Variants in ADAMTSL1 observed in about 807,000 individuals in gnomAD.
ADAMTSL1 encodes the protein ADAMTS-like protein 1.
In ADAMTSL1, 126 loss-of-function variants were observed where a neutral mutation model predicts 201.8. The ratio of observed to expected loss-of-function variants is 0.62; its 90% confidence interval spans 0.54 to 0.72. The LOEUF is 0.72. Ranked by LOEUF, ADAMTSL1 falls within the 30% of genes least tolerant of loss-of-function variation. The pLI is 0.00. For missense variants in ADAMTSL1, 2,679 were observed against 2,277.8 expected (o/e 1.18, Z -3.59); for synonymous variants, 1,121 against 903.4 (o/e 1.24, Z -4.32).
Position 18,770,605 on chromosome 9 carries a change from T to C in ADAMTSL1, c.2221T>C (p.Ser741Pro), listed in dbSNP as rs773587940. The C allele has an allele frequency of 1.2e-6, 2 of 1,611,704 alleles. No individual in the cohort carries two copies. Among genetic ancestry groups the C allele is most frequent in the Non-Finnish European group, 1.7e-6 (2 of 1,178,910 alleles). Residue 741 changes from serine to proline, a missense_variant, in exon 17 of 29, where the codon TCC becomes CCC. By Grantham distance (74) the Ser-to-Pro change is moderately conservative. Transcript: ENST00000380548. ...AWYPAQWQPC[S>P]RTCGGGVQKR... The stretch of plus-strand genomic sequence containing the variant: ...CTTTCCTTCTTTCTTTCCCCAGTGT[T>C]CCAGAACGTGTGGCGGGGGTGTTCA...
At chr9:18,467,435 A>T (rs1239627906) in intron 2 of ADAMTSL1, among the ~76,000 whole-genome samples, 1 of 152,226 alleles carries the variant, frequency 6.6e-6, no homozygotes, top group Non-Finnish European at 1.5e-5. Flanking sequence ...TCTATACAAT[A>T]AAAAACTAGT....
chr9:18,868,184 T>G (rs1422726606), intron 23 of ADAMTSL1, among the ~76,000 whole-genome samples: 1 of 152,234 alleles, frequency 6.6e-6, no homozygotes, highest in Non-Finnish European at 1.5e-5. Flanking sequence ...TTTTTATTAC[T>G]TCCACTTTCT....
chr9:18,817,040 A>T, intron 20 of ADAMTSL1, 69 bp from the exon 21 acceptor site: 1 of 1,567,942 alleles, frequency 6.4e-7, no homozygotes, highest in Non-Finnish European at 8.6e-7. Context: ...GTTAGCCCAT[A>T]TTTCAAAGGA....
At chr9:18,654,717 T>C (rs1828515601) in intron 7 of ADAMTSL1, among the ~76,000 whole-genome samples, 1 of 152,254 alleles carries the variant, frequency 6.6e-6, no homozygotes. Context: ...GGATACAGTA[T>C]CTCTGTCAAC....
chr9:18,909,605 G>T lies in ADAMTSL1; in HGVS notation c.*1057G>T, dbSNP rs1208242900. On this transcript the variant is annotated 3_prime_UTR_variant, in exon 29 of 29. Coordinates refer to ENST00000380548, the MANE Select transcript of ADAMTSL1 (RefSeq NM_001040272.6). ...TTTGCTGCTCCACCGAAGGGCCAGG[G>T]ACTATGGTTAACTTATCAACATCAA... 2.6e-5 allele frequency: 4 copies of T among 152,118 alleles called. No individual in the cohort carries two copies. The highest frequency in any genetic ancestry group is 9.7e-5 in the African/African-American group (4 of 41,352). 9.4% of individuals were successfully genotyped at this position (152,118 alleles called of 1,614,324 possible).
chr9:18,179,678 C>A (rs376535875), intron 2 of ADAMTSL1, among the ~76,000 whole-genome samples: 1 of 150,912 alleles, frequency 6.6e-6, no homozygotes, highest in African/African-American at 2.4e-5. Context: ...GCGGATCTCT[C>A]GGCAGAAACT....
At chr9:18,206,331 G>A (rs892541182) in intron 2 of ADAMTSL1, among the ~76,000 whole-genome samples, 2 of 152,074 alleles carry the variant, frequency 1.3e-5, no homozygotes, top group East Asian at 1.9e-4. Context: ...TGTGATTGAC[G>A]TGGAGCCCAG....
intron 23 of ADAMTSL1, among the ~76,000 whole-genome samples, chr9:18,839,562 C>T (rs924741403): frequency 4.0e-4 from 61 of 152,168 alleles, no homozygotes; most frequent in African/African-American, 1.4e-3. Context: ...AATGGGATGG[C>T]TGGGTCAAAT....
intron 15 of ADAMTSL1, among the ~76,000 whole-genome samples, chr9:18,745,386 A>G (rs1189645712): frequency 6.6e-6 from 1 of 152,202 alleles, no homozygotes; most frequent in Non-Finnish European, 1.5e-5. Flanking sequence ...CAGGACCAGC[A>G]AAAGCCCTTT....
At chr9:18,431,070 G>T (rs530002755) in intron 2 of ADAMTSL1, among the ~76,000 whole-genome samples, 12 of 152,252 alleles carry the variant, frequency 7.9e-5, no homozygotes, top group African/African-American at 2.9e-4. Flanking sequence ...GTGGAACAAT[G>T]GTTACATGCC....
intron 2 of ADAMTSL1, among the ~76,000 whole-genome samples, chr9:18,165,676 G>A (rs188015984): frequency 6.6e-6 from 1 of 151,944 alleles, no homozygotes; most frequent in Admixed American, 6.6e-5. Context: ...AAGAAAAAGA[G>A]GGGAAAACAA....
chr9:18,824,036 CGAAG>C (rs72217621), intron 21 of ADAMTSL1, among the ~76,000 whole-genome samples: 4,516 of 147,362 alleles, frequency 0.031, 77 homozygotes, highest in Middle Eastern at 0.06. Context: ...AAGGAAGGAA[CGAAG>C]GAAGGAAGGA....
chr9:17,994,359 A>G (rs759811404), intron 1 of ADAMTSL1, among the ~76,000 whole-genome samples: 11 of 152,138 alleles, frequency 7.2e-5, no homozygotes, highest in Non-Finnish European at 1.6e-4. Context: ...TCAGTGTCAT[A>G]GATTGTAGAA....
At chr9:18,525,643 G>A (rs1364892665) in intron 2 of ADAMTSL1, among the ~76,000 whole-genome samples, 1 of 152,162 alleles carries the variant, frequency 6.6e-6, no homozygotes, top group Admixed American at 6.5e-5. Context: ...GGTATGTTGT[G>A]TCTTTGTTCT....
At chr9:18,649,838 G>T (rs1347763484) in intron 7 of ADAMTSL1, among the ~76,000 whole-genome samples, 1 of 152,140 alleles carries the variant, frequency 6.6e-6, no homozygotes, top group African/African-American at 2.4e-5. Context: ...GGGGGTCAGG[G>T]GTCAGGGACC....
In ADAMTSL1 at chr9:18,152,925, C is replaced by A. The variant is rs370325458; in HGVS notation, c.88-10937C>A. ...AATCCCACGGATTGTCAAATGCTTT[C>A]CAGATAACAATGATCATATTTTCTT... On this transcript the variant is annotated intron_variant, in intron 1 of 29. Transcript: ENST00000680146. Among the ~76,000 whole-genome samples, 126 of 152,122 alleles carry A rather than the reference C, an allele frequency of 8.3e-4. 2 individuals carry two copies. The South Asian group carries it at 0.025, about 30-fold the overall frequency.
chr9:18,242,519 G>A (rs1445053409), intron 2 of ADAMTSL1, among the ~76,000 whole-genome samples: 1 of 151,912 alleles, frequency 6.6e-6, no homozygotes, highest in Non-Finnish European at 1.5e-5. Flanking sequence ...AGAACCATGT[G>A]ACAAGGAAAA....
intron 1 of ADAMTSL1, among the ~76,000 whole-genome samples, chr9:18,057,127 C>T (rs1014826232): frequency 1.3e-5 from 2 of 152,196 alleles, no homozygotes; most frequent in African/African-American, 4.8e-5. Flanking sequence ...TTCCCACTGA[C>T]AGGCAGGTAG....
intron 23 of ADAMTSL1, among the ~76,000 whole-genome samples, chr9:18,836,696 C>G (rs1825330556): frequency 6.6e-6 from 1 of 152,086 alleles, no homozygotes; most frequent in Non-Finnish European, 1.5e-5. Context: ...GGCAGTATGG[C>G]CATACTAATG....
Sources: gnomAD v4.1 joint callset for allele counts (sites outside exome capture counted in the v4.1 genomes callset) on GRCh38, gnomAD v4.1.1 for gene constraint, MANE v1.5 for transcripts, NCBI Gene and HGNC (gene_info 2026-07-23, HGNC 2026-07-21) for gene names.